Variants in UQCC1 observed in about 807,000 individuals in gnomAD.
UQCC1 encodes the protein bFGF-repressed Zic-binding protein.
UQCC1 carries 38 observed loss-of-function variants against 48.0 expected under a neutral mutation model. The ratio of observed to expected loss-of-function variants is 0.79; its 90% CI spans 0.61 to 1.04. The LOEUF is 1.04. Ranked by LOEUF, UQCC1 falls within the 50% of genes least tolerant of loss-of-function variation. UQCC1 has a pLI of 0.00. For missense variants in UQCC1, 368 were observed against 381.8 expected, an observed-to-expected ratio of 0.96 and a Z score of 0.30; for synonymous variants, 111 against 129.2, an observed-to-expected ratio of 0.86 and a Z score of 0.95.
chr20:35,363,017 C>T (rs1325520891), intron 6 of UQCC1, among the ~76,000 whole-genome samples: 3 of 139,920 alleles, frequency 2.1e-5, no homozygotes, highest in Non-Finnish European at 4.6e-5. Context: ...AAACTCCTTG[C>T]TCCTTAAAAC....
intron 7 of UQCC1, among the ~76,000 whole-genome samples, chr20:35,326,122 A>G (rs1314275897): frequency 6.6e-6 from 1 of 152,252 alleles, no homozygotes; most frequent in Non-Finnish European, 1.5e-5. Context: ...GGCTGCTACA[A>G]TGGTGTAGAT....
At chr20:35,384,878 A>C in intron 2 of UQCC1, among the ~76,000 whole-genome samples, 1 of 149,888 alleles carries the variant, frequency 6.7e-6, no homozygotes. Context: ...GAGGCAGGAG[A>C]ATAGCTTGAA....
intron 6 of UQCC1, among the ~76,000 whole-genome samples, chr20:35,350,103 G>T (rs2061474014): frequency 6.6e-6 from 1 of 152,140 alleles, no homozygotes; most frequent in Non-Finnish European, 1.5e-5. Context: ...AAAATTAAAA[G>T]CTTACTAACA....
chr20:35,411,571 G>C (rs1477226143), intron 1 of UQCC1, among the ~76,000 whole-genome samples: 2 of 152,130 alleles, frequency 1.3e-5, no homozygotes, highest in African/African-American at 4.8e-5. Context: ...AAAGTGACTT[G>C]CTTAAAGTCA....
At chr20:35,347,565 G>A (rs2061444877) in intron 6 of UQCC1, among the ~76,000 whole-genome samples, 1 of 151,970 alleles carries the variant, frequency 6.6e-6, no homozygotes, top group South Asian at 2.1e-4. Flanking sequence ...CCTCATACCT[G>A]GAGGGAACCA....
chr20:35,394,030 A>G lies in UQCC1; in HGVS notation c.129+62T>C. On this transcript the variant is annotated intron_variant, in intron 2 of 9. Coordinates refer to ENST00000374385, the MANE Select transcript of UQCC1 (RefSeq NM_018244.5). ...CAATTTGGTTGGCTAATCTATAAAT[A>G]CATGACATTTGCACATAAACACTAA... 4.0e-6 allele frequency: 6 copies of G among 1,498,380 alleles called. No homozygotes were observed. The South Asian group carries it at 6.8e-5, about 17-fold the overall frequency. The allele number at this position is 1,498,380 out of a possible 1,614,324, so 92.8% of individuals were successfully genotyped here. A position where few individuals can be genotyped will look rare whatever the true frequency, so the allele number is the denominator to read the frequency against.
At chr20:35,322,451 T>C (rs1453019797) in intron 7 of UQCC1, among the ~76,000 whole-genome samples, 1 of 152,298 alleles carries the variant, frequency 6.6e-6, no homozygotes. Flanking sequence ...AACTGTTAAG[T>C]GGCCAGGTGC....
chr20:35,375,997 TA>T (rs1403510836), intron 4 of UQCC1, among the ~76,000 whole-genome samples: 3 of 143,560 alleles, frequency 2.1e-5, no homozygotes, highest in Non-Finnish European at 4.6e-5. Flanking sequence ...GCCGTTTCTT[TA>T]AAAATATCAA....
chr20:35,308,078 C>T (rs1016373173), intron 8 of UQCC1, among the ~76,000 whole-genome samples: 6 of 152,222 alleles, frequency 3.9e-5, no homozygotes, highest in South Asian at 2.1e-4. Flanking sequence ...TCACTTTATT[C>T]GACATTTTAT....
intron 1 of UQCC1, among the ~76,000 whole-genome samples, chr20:35,394,471 T>G (rs1362093659): frequency 6.6e-6 from 1 of 151,122 alleles, no homozygotes; most frequent in South Asian, 2.1e-4. Flanking sequence ...ACCACAGGAG[T>G]AGAGGGTTGG....
rs903037255 is a variant in UQCC1 at position 35,303,947 on chromosome 20, G to A, written c.888C>T (p.Asp296=). The change falls in exon 10 of 10, where the codon GAC becomes GAT. Residue 296 remains aspartate (D), a synonymous_variant. Transcript: ENST00000374385. ...AGGGCCCAGCCCATCAAAGTCCCTC[G>A]TCGTTGTAAGTCGGAGAATGGGGCT... ...ILKPHSPTYN[D]EGL The A allele has an allele frequency of 1.4e-5, 22 of 1,614,082 alleles. No homozygotes were observed. Among genetic ancestry groups the A allele is most frequent in the Non-Finnish European group, 1.8e-5 (21 of 1,180,040 alleles).
At chr20:35,402,187 A>C (rs1477679289) in intron 1 of UQCC1, among the ~76,000 whole-genome samples, 1 of 152,172 alleles carries the variant, frequency 6.6e-6, no homozygotes, top group Non-Finnish European at 1.5e-5. Context: ...TCACGCCTGT[A>C]ATCCCAACAC....
intron 6 of UQCC1, among the ~76,000 whole-genome samples, chr20:35,366,011 T>C (rs1217012673): frequency 6.6e-6 from 1 of 152,204 alleles, no homozygotes; most frequent in Non-Finnish European, 1.5e-5. Context: ...TAACATTAGA[T>C]GAAAAATTGA....
intron 7 of UQCC1, among the ~76,000 whole-genome samples, chr20:35,343,445 CTG>C (rs1330338325): frequency 1.3e-5 from 2 of 152,176 alleles, no homozygotes; most frequent in African/African-American, 4.8e-5. Flanking sequence ...ACACGGAAGA[CTG>C]AGATCCCCTC....
chr20:35,382,472 T>C (rs2061883500), intron 3 of UQCC1, among the ~76,000 whole-genome samples: 1 of 151,616 alleles, frequency 6.6e-6, no homozygotes, highest in Non-Finnish European at 1.5e-5. Flanking sequence ...GATTTTTGTT[T>C]TCACCTACAA....
intron 2 of UQCC1, chr20:35,392,316 T>C: frequency 7.7e-7 from 1 of 1,301,398 alleles, no homozygotes; most frequent in South Asian, 1.2e-5. Flanking sequence ...TTACAGTCGA[T>C]ACGACAAAAG....
chr20:35,358,813 G>C (rs1008099867), intron 6 of UQCC1, among the ~76,000 whole-genome samples: 2 of 152,172 alleles, frequency 1.3e-5, no homozygotes, highest in Non-Finnish European at 2.9e-5. Context: ...ACCTGCCTCA[G>C]CCTCCCAAAG....
At chr20:35,405,119 CAG>C (rs1168313501) in intron 1 of UQCC1, among the ~76,000 whole-genome samples, 2 of 152,130 alleles carry the variant, frequency 1.3e-5, no homozygotes, top group Non-Finnish European at 2.9e-5. Context: ...GAATGCCTGG[CAG>C]AGTGTTATAG....
At chr20:35,316,036 G>A (rs768394100) in intron 7 of UQCC1, among the ~76,000 whole-genome samples, 3 of 152,126 alleles carry the variant, frequency 2.0e-5, no homozygotes, top group Non-Finnish European at 2.9e-5. Context: ...CTTCAATAGG[G>A]TACAACTCTG....
Sources: gnomAD v4.1 joint callset for allele counts (sites outside exome capture counted in the v4.1 genomes callset) on GRCh38, gnomAD v4.1.1 for gene constraint, MANE v1.5 for transcripts, NCBI Gene and HGNC (gene_info 2026-07-23, HGNC 2026-07-21) for gene names.